The following WHRN variants were observed in gnomAD, a reference collection of about 807,000 sequenced individuals.
The protein encoded by WHRN is whirlin.
Under a neutral mutation model 68.3 loss-of-function variants are expected in WHRN, and 41 were observed. The observed-to-expected ratio is 0.60, with a 90% CI of 0.47 to 0.78. The LOEUF (loss-of-function observed/expected upper bound fraction) is 0.78. Ranked by LOEUF, WHRN falls within the 30% of genes least tolerant of loss-of-function variation. The pLI, the probability that WHRN is intolerant of heterozygous loss-of-function variation, is 0.00. For synonymous variants in WHRN, 560 were observed against 561.3 expected, an observed-to-expected ratio of 1.00 and a Z score of 0.03; for missense variants, 1,243 against 1,244.7, an observed-to-expected ratio of 1.00 and a Z score of 0.02.
At position 114,403,998 on chromosome 9, in the gene WHRN, C is replaced by G; in HGVS notation, c.2316G>C (p.Glu772Asp). 4.3e-6 allele frequency: 7 copies of G among 1,613,002 alleles called. No homozygotes were observed. Among genetic ancestry groups the G allele is most frequent in the Non-Finnish European group, 5.9e-6 (7 of 1,180,042 alleles). The change falls in exon 10 of 12, where the codon GAG (glutamate) becomes GAC (aspartate). Residue 772 changes from glutamate (E) to aspartate (D), a missense_variant. Coordinates refer to ENST00000362057, the MANE Select transcript of WHRN (RefSeq NM_015404.4). ...EDSGVDAGEA[E>D]ASAPGRGRQS... The stretch of plus-strand genomic sequence containing the variant: ...GCCTTCCTCGGCCTGGGGCGCTGGC[C>G]TCTGCCTCGCCAGCATCCACACCAC...
At chr9:114,459,304 A>G (rs1227907414) in intron 3 of WHRN, among the ~76,000 whole-genome samples, 5 of 9,482 alleles carry the variant, frequency 5.3e-4, no homozygotes, top group Non-Finnish European at 1.2e-3. Flanking sequence ...CTAAAAATAC[A>G]AAAAAAAAAA....
intron 9 of WHRN, among the ~76,000 whole-genome samples, chr9:114,405,933 C>T (rs1024977535): frequency 6.6e-6 from 1 of 152,206 alleles, no homozygotes; most frequent in Non-Finnish European, 1.5e-5. Flanking sequence ...CCTAGACCTG[C>T]CAGGGGTCCA....
intron 3 of WHRN, among the ~76,000 whole-genome samples, chr9:114,464,851 TGATGATGATGATGATGTC>T (rs1226012083): frequency 1.6e-5 from 2 of 127,084 alleles, no homozygotes; most frequent in Admixed American, 7.1e-5. Flanking sequence ...ATGATGATGA[TGATGATGATGATGATGTC>T]GTCTGTCTGT....
At chr9:114,410,626 C>T (rs1207856432) in intron 7 of WHRN, among the ~76,000 whole-genome samples, 4 of 152,218 alleles carry the variant, frequency 2.6e-5, no homozygotes, top group African/African-American at 7.2e-5. Context: ...TCGGGCCTTC[C>T]GGGTCAGAGC....
At chr9:114,442,370 T>C (rs1293734152) in intron 3 of WHRN, among the ~76,000 whole-genome samples, 3 of 152,222 alleles carry the variant, frequency 2.0e-5, no homozygotes, top group South Asian at 2.1e-4. Context: ...GTCCTTGTTC[T>C]TAGAGAAAAA....
At chr9:114,414,152 G>C (rs1835650797) in intron 7 of WHRN, among the ~76,000 whole-genome samples, 1 of 152,166 alleles carries the variant, frequency 6.6e-6, no homozygotes, top group Admixed American at 6.5e-5. Context: ...CAAAGCCTCA[G>C]AGGAACTGGT....
Position 114,406,836 on chromosome 9 carries a change from T to C in WHRN, c.1755A>G (p.Pro585=). ...GLSSFKPLPR[P]PPLAQGNDLP... is the part of the protein sequence containing the mutation. ...GGTCGTTGCCTTGGGCCAGAGGTGGTGGGCGAGGCAGTGGCTTGAAGCTTG... is the reference window on the plus strand; with the variant it reads ...GGTCGTTGCCTTGGGCCAGAGGTGGCGGGCGAGGCAGTGGCTTGAAGCTTG... The change falls in exon 9 of 12, where the codon CCA becomes CCG. Residue 585 remains proline, a synonymous_variant. Transcript: ENST00000362057. 1 of 1,606,048 alleles carries C rather than the reference T, an allele frequency of 6.2e-7. No individual in the cohort carries two copies. The highest frequency in any genetic ancestry group is 8.5e-7 in the Non-Finnish European group (1 of 1,176,202).
chr9:114,472,992 T>C (rs1029622414), intron 2 of WHRN, among the ~76,000 whole-genome samples: 2 of 152,356 alleles, frequency 1.3e-5, no homozygotes, highest in African/African-American at 4.8e-5. Context: ...CCAGTGCTGC[T>C]GAGCCCAAAG....
chr9:114,466,286 G>A lies in WHRN; in HGVS notation c.944C>T (p.Ala315Val). 1.9e-6 allele frequency: 3 copies of A among 1,614,038 alleles called. No individual in the cohort carries two copies. The highest frequency in any genetic ancestry group is 2.5e-6 in the Non-Finnish European group (3 of 1,180,032). The change falls in exon 3 of 12, where the codon GCA becomes GTA. Residue 315 changes from alanine to valine, a missense_variant. Transcript: ENST00000362057. Reference sequence around the variant, plus strand: ...CCTCACCTTGAGCCCGCTGCCTTCTGCTTCAGAGCCTGGGTCCACGCCAGT... The same window carrying A: ...CCTCACCTTGAGCCCGCTGCCTTCTACTTCAGAGCCTGGGTCCACGCCAGT... ...YITGVDPGSE[A>V]EGSGLKVGDQ...
intron 1 of WHRN, among the ~76,000 whole-genome samples, chr9:114,493,694 T>C (rs1480334282): frequency 6.6e-6 from 1 of 151,760 alleles, no homozygotes; most frequent in Admixed American, 6.6e-5. Context: ...CAAGGCATGG[T>C]GAGAGAGATA....
intron 3 of WHRN, among the ~76,000 whole-genome samples, chr9:114,462,877 A>G (rs987567825): frequency 1.6e-4 from 24 of 152,230 alleles, no homozygotes; most frequent in African/African-American, 5.8e-4. Flanking sequence ...TAACTGCTCA[A>G]TAAAAGGGTA....
At chr9:114,491,057 GATGA>G (rs1842932628) in intron 1 of WHRN, among the ~76,000 whole-genome samples, 1 of 152,062 alleles carries the variant, frequency 6.6e-6, no homozygotes, top group Non-Finnish European at 1.5e-5. Context: ...ATTCACTCAA[GATGA>G]GCCCCAATGG....
chr9:114,496,879 A>G (rs1023937453), intron 1 of WHRN, among the ~76,000 whole-genome samples: 5 of 152,220 alleles, frequency 3.3e-5, no homozygotes, highest in African/African-American at 7.2e-5. Flanking sequence ...TTGACCTTAC[A>G]CAAGTGGAAT....
At chr9:114,437,102 T>C (rs913310305) in intron 3 of WHRN, among the ~76,000 whole-genome samples, 2 of 152,180 alleles carry the variant, frequency 1.3e-5, no homozygotes, top group South Asian at 4.2e-4. Flanking sequence ...TGAAACAGAC[T>C]AGAAATAGGC....
chr9:114,479,668 A>G (rs571266731), intron 1 of WHRN, among the ~76,000 whole-genome samples: 3 of 152,294 alleles, frequency 2.0e-5, no homozygotes, highest in East Asian at 3.9e-4. Context: ...ATGAAATCCT[A>G]ATGAAATCCA....
chr9:114,505,032 G>A lies in WHRN; in HGVS notation c.-231C>T. On this transcript the variant is annotated 5_prime_UTR_variant, in exon 1 of 12. Transcript: ENST00000362057. ...GTCGCGAACCTGGAATCCGGGGGAC[G>A]CGGAGACGTCGGCGGGTTCCTGAGA... The A allele has an allele frequency of 1.9e-6, 1 of 531,440 alleles. No homozygotes were observed. The highest frequency in any genetic ancestry group is 2.9e-6 in the Non-Finnish European group (1 of 339,988). 32.9% of individuals were successfully genotyped at this position (531,440 alleles called of 1,614,324 possible).
At chr9:114,501,344 T>C (rs1843904265) in intron 1 of WHRN, among the ~76,000 whole-genome samples, 1 of 152,166 alleles carries the variant, frequency 6.6e-6, no homozygotes, top group Non-Finnish European at 1.5e-5. Flanking sequence ...ATTTTGCAAA[T>C]GGGTTTCAAG....
intron 1 of WHRN, among the ~76,000 whole-genome samples, chr9:114,489,803 T>C (rs1032678137): frequency 1.3e-5 from 2 of 152,208 alleles, no homozygotes; most frequent in African/African-American, 4.8e-5. Flanking sequence ...GAGATGGAGA[T>C]CCTTTTTACA....
At chr9:114,497,592 A>C (rs1843572078) in intron 1 of WHRN, among the ~76,000 whole-genome samples, 1 of 152,176 alleles carries the variant, frequency 6.6e-6, no homozygotes, top group African/African-American at 2.4e-5. Flanking sequence ...AAATTGGTTC[A>C]TTGATTGCTT....
Sources: allele counts gnomAD v4.1 joint callset (sites outside exome capture counted in the v4.1 genomes callset), GRCh38; gene constraint gnomAD v4.1.1; transcripts MANE v1.5; gene names NCBI Gene and HGNC (gene_info 2026-07-23, HGNC 2026-07-21).